SENP6: variants seen among roughly 807,000 people sequenced by gnomAD.
SENP6 encodes the protein sentrin-specific protease 6.
In SENP6, 41 loss-of-function variants were observed where a neutral mutation model predicts 134.5. The observed-to-expected ratio is 0.30, with a 90% CI of 0.24 to 0.40. The LOEUF (loss-of-function observed/expected upper bound fraction) is 0.40, where lower values mean the gene tolerates loss of function less well. Ranked by LOEUF, SENP6 falls within the 10% of genes least tolerant of loss-of-function variation. The probability of loss-of-function intolerance (pLI) is 1.00; values close to 1 mark genes in which losing one functional copy is unlikely to be tolerated. For missense variants in SENP6, 1,248 were observed against 1,312.5 expected (o/e 0.95, Z 0.76); for synonymous variants, 395 against 429.8 (o/e 0.92, Z 1.00).
At chr6:75,660,292 A>G (rs1771672226) in intron 8 of SENP6, among the ~76,000 whole-genome samples, 1 of 152,242 alleles carries the variant, frequency 6.6e-6, no homozygotes, top group Non-Finnish European at 1.5e-5. Context: ...TACCTTAGTT[A>G]AGATGTTCTA....
At chr6:75,665,243 G>A (rs915118825) in intron 9 of SENP6, among the ~76,000 whole-genome samples, 17 of 151,190 alleles carry the variant, frequency 1.1e-4, no homozygotes, top group Non-Finnish European at 1.8e-4. Context: ...CCAAGATCGC[G>A]CCACTGCGCT....
At chr6:75,694,073 A>G (rs1419328242) in intron 16 of SENP6, among the ~76,000 whole-genome samples, 4 of 152,186 alleles carry the variant, frequency 2.6e-5, no homozygotes, top group Non-Finnish European at 5.9e-5. Flanking sequence ...CCTGAGCAAC[A>G]TGGAGAAACC....
Position 75,678,672 on chromosome 6 carries a change from C to A in SENP6, c.1938C>A (p.Ile646=). 1 of 1,590,410 alleles carries A rather than the reference C, an allele frequency of 6.3e-7. No homozygotes were observed. The highest frequency in any genetic ancestry group is 1.1e-5 in the South Asian group (1 of 88,344). Reference sequence around the variant, plus strand: ...AAGAAACTGGAGAAAACCACACCATCTTCATTGGCCCAGTAGAAAAGTGAG... The same window carrying A: ...AAGAAACTGGAGAAAACCACACCATATTCATTGGCCCAGTAGAAAAGTGAG... ...EEEETGENHT[I]FIGPVEKLIV... Residue 646 remains isoleucine (I), a synonymous_variant, in exon 15 of 24, where the codon ATC becomes ATA. Coordinates refer to ENST00000447266, the MANE Select transcript of SENP6 (RefSeq NM_015571.4).
intron 3 of SENP6, among the ~76,000 whole-genome samples, chr6:75,631,582 G>C (rs1468817935): frequency 3.3e-5 from 5 of 152,118 alleles, no homozygotes; most frequent in Non-Finnish European, 7.3e-5. Flanking sequence ...TCTATTTCAT[G>C]ACATGTGAGC....
intron 7 of SENP6, chr6:75,654,869 G>A (rs1255446402): frequency 1.3e-5 from 2 of 152,118 alleles, no homozygotes; most frequent in Non-Finnish European, 2.9e-5. Context: ...ATATCTATGT[G>A]GTAGATAGAT....
chr6:75,638,239 TTTG>T (rs1272647847), intron 5 of SENP6, among the ~76,000 whole-genome samples: 3 of 88,468 alleles, frequency 3.4e-5, no homozygotes, highest in Admixed American at 2.9e-4. Flanking sequence ...TCCCTTTTCT[TTTG>T]TTTTTTTTTT....
intron 4 of SENP6, 62 bp downstream of exon 4, chr6:75,633,788 CT>C: frequency 6.8e-7 from 1 of 1,467,958 alleles, no homozygotes; most frequent in Non-Finnish European, 9.1e-7. Context: ...ACACCAAAAA[CT>C]TAGAAGCTAA....
intron 18 of SENP6, among the ~76,000 whole-genome samples, chr6:75,699,354 CTTTTT>C (rs71544060): frequency 0.024 from 2,749 of 115,008 alleles, 103 homozygotes; most frequent in African/African-American, 0.082. Context: ...TTTGTTTTTG[CTTTTT>C]TTTTTTTTTT....
Position 75,626,379 on chromosome 6 carries a change from G to A in SENP6, c.207+2419G>A, listed in dbSNP as rs1033915409. ...TATGTAAGCATATACCACTTTTCTT[G>A]GAAAAACTATACACACTGTTGACAC... On this transcript the variant is annotated intron_variant, in intron 3 of 23. Transcript: ENST00000447266. Among the ~76,000 whole-genome samples the A allele has an allele frequency of 6.6e-5, 10 of 150,984 alleles. 1 individual carries two copies. The highest frequency in any genetic ancestry group is 2.4e-4 in the African/African-American group (10 of 41,006).
chr6:75,702,764 G>A lies in SENP6; in HGVS notation c.2408G>A (p.Cys803Tyr), dbSNP rs1356413069. The change falls in exon 19 of 24, where the codon TGT (cysteine) becomes TAT (tyrosine). Residue 803 changes from cysteine (C) to tyrosine (Y), a missense_variant. Physicochemically the swap from Cys to Tyr is radical, Grantham distance 194 (BLOSUM62 -2). Around this residue, in one of 3 missense-constraint regions of SENP6, gnomAD observed 386 missense variants for 395.0 expected, o/e 0.98. Transcript: ENST00000447266. ...AAATGTTCAACTGTAGAGGACAGTTGTATTTCTTCTTCAGCCAGTGAAATG... is the reference window on the plus strand; with the variant it reads ...AAATGTTCAACTGTAGAGGACAGTTATATTTCTTCTTCAGCCAGTGAAATG... Reference protein sequence around the residue: ...IQKCSTVEDSCISSSASEMES... With the variant: ...IQKCSTVEDSYISSSASEMES... 6.2e-7 allele frequency: 1 copy of A among 1,613,952 alleles called. No individual in the cohort carries two copies. The highest frequency in any genetic ancestry group is 8.5e-7 in the Non-Finnish European group (1 of 1,180,004).
At chr6:75,625,522 T>C (rs1311414184) in intron 3 of SENP6, among the ~76,000 whole-genome samples, 2 of 152,230 alleles carry the variant, frequency 1.3e-5, no homozygotes, top group Non-Finnish European at 2.9e-5. Flanking sequence ...GTATCATTTT[T>C]CTTTTAAAGG....
At chr6:75,681,462 CT>C (rs35516779) in intron 16 of SENP6, among the ~76,000 whole-genome samples, 14,409 of 144,390 alleles carry the variant, frequency 0.1, 670 homozygotes, top group Non-Finnish European at 0.11. Context: ...TCAGGTATTT[CT>C]TTTTTTTTTT....
intron 16 of SENP6, among the ~76,000 whole-genome samples, chr6:75,685,756 G>C (rs1376907458): frequency 6.6e-6 from 1 of 152,200 alleles, no homozygotes; most frequent in Non-Finnish European, 1.5e-5. Context: ...TGTGGTCTGA[G>C]AGACAGTTTG....
At chr6:75,663,017 G>A (rs1220266137) in intron 8 of SENP6, among the ~76,000 whole-genome samples, 1 of 152,174 alleles carries the variant, frequency 6.6e-6, no homozygotes, top group East Asian at 1.9e-4. Flanking sequence ...TCTCATGGTA[G>A]CCATGATGGT....
chr6:75,604,330 G>A (rs1181514142), intron 1 of SENP6, among the ~76,000 whole-genome samples: 1 of 152,182 alleles, frequency 6.6e-6, no homozygotes, highest in Non-Finnish European at 1.5e-5. Flanking sequence ...CTTCTTTAGA[G>A]CATAAGCATA....
intron 7 of SENP6, among the ~76,000 whole-genome samples, chr6:75,653,566 G>A (rs753058617): frequency 1.3e-5 from 2 of 151,192 alleles, no homozygotes; most frequent in Non-Finnish European, 2.9e-5. Flanking sequence ...CCCTCAATGC[G>A]TTTGGGTGAA....
intron 11 of SENP6, among the ~76,000 whole-genome samples, chr6:75,673,441 A>G (rs1772842862): frequency 6.7e-6 from 1 of 148,434 alleles, no homozygotes; most frequent in African/African-American, 2.5e-5. Context: ...CTCCTACCTC[A>G]GCCTCTTGAG....
chr6:75,675,984 G>T lies in SENP6; in HGVS notation c.1551G>T (p.Leu517=). 1 of 1,612,460 alleles carries T rather than the reference G, an allele frequency of 6.2e-7. No homozygotes were observed. The highest frequency in any genetic ancestry group is 8.5e-7 in the Non-Finnish European group (1 of 1,179,266). The part of the protein sequence containing the change: ...LQAIPAVYQK[L]SIQLQMNKED... Reference sequence around the variant, plus strand: ...CAATTCCAGCAGTTTATCAAAAGCTGAGCATCCAACTGCAAATGAATAAGG... The same window carrying T: ...CAATTCCAGCAGTTTATCAAAAGCTTAGCATCCAACTGCAAATGAATAAGG... The change falls in exon 13 of 24, where the codon CTG becomes CTT. Residue 517 remains leucine (L), a synonymous_variant. Coordinates refer to ENST00000447266, the MANE Select transcript of SENP6 (RefSeq NM_015571.4).
rs896002557 is a variant in SENP6 at position 75,602,396 on chromosome 6, G to A, written c.-129G>A. The A allele has an allele frequency of 1.9e-4, 208 of 1,090,944 alleles. No individual in the cohort carries two copies. The highest frequency in any genetic ancestry group is 2.5e-4 in the Non-Finnish European group (188 of 755,520). The allele number at this position is 1,090,944 out of a possible 1,614,324, so 67.6% of individuals were successfully genotyped here. The stretch of plus-strand genomic sequence containing the variant: ...CCGTCTGAACGTGGGAGCGCAGCCC[G>A]CCTGACGGCTGAGCCCGAGGCCCGC... On this transcript the variant is annotated 5_prime_UTR_variant, in exon 1 of 24. Coordinates refer to ENST00000447266, the MANE Select transcript of SENP6 (RefSeq NM_015571.4).
Sources: allele counts gnomAD v4.1 joint callset (sites outside exome capture counted in the v4.1 genomes callset), GRCh38; gene constraint gnomAD v4.1.1; regional missense constraint gnomAD v4.1.1; transcripts MANE v1.5; gene names NCBI Gene and HGNC (gene_info 2026-07-23, HGNC 2026-07-21).